TIAM1: variants seen among roughly 807,000 people sequenced by gnomAD.
TIAM1 encodes the protein TIAM Rac1 associated GEF 1, also known as rho guanine nucleotide exchange factor TIAM1.
A neutral mutation model predicts 163.5 loss-of-function variants in TIAM1; 65 were observed. The ratio of observed to expected loss-of-function variants is 0.40; its 90% confidence interval spans 0.33 to 0.49. The LOEUF (loss-of-function observed/expected upper bound fraction) is 0.49. Ranked by LOEUF, TIAM1 falls within the 20% of genes least tolerant of loss-of-function variation. TIAM1 has a pLI of 0.77. For missense variants in TIAM1, 1,789 were observed against 2,044.7 expected (o/e 0.87, Z 2.41); for synonymous variants, 833 against 810.1 (o/e 1.03, Z -0.48).
intron 1 of TIAM1, among the ~76,000 whole-genome samples, chr21:31,521,346 G>C (rs550466579): frequency 4.6e-5 from 7 of 152,282 alleles, no homozygotes; most frequent in South Asian, 2.1e-4. Flanking sequence ...GAAAACCTAA[G>C]GTTCCAGCAG....
At chr21:31,497,269 C>T (rs372897474) in intron 1 of TIAM1, among the ~76,000 whole-genome samples, 26 of 152,316 alleles carry the variant, frequency 1.7e-4, no homozygotes, top group East Asian at 1.2e-3. Context: ...CGTTAAGCAA[C>T]GCATAACTGT....
chr21:31,538,083 G>C (rs2048196723), intron 1 of TIAM1, among the ~76,000 whole-genome samples: 1 of 152,176 alleles, frequency 6.6e-6, no homozygotes, highest in Non-Finnish European at 1.5e-5. Flanking sequence ...TGCCCTGAAG[G>C]GGGCGCAACA....
chr21:31,392,003 C>A (rs1405308269), intron 2 of TIAM1, among the ~76,000 whole-genome samples: 1 of 152,158 alleles, frequency 6.6e-6, no homozygotes, highest in African/African-American at 2.4e-5. Context: ...ATATTCAACA[C>A]TTTATTATAA....
At chr21:31,378,124 G>T (rs1408525984) in intron 2 of TIAM1, among the ~76,000 whole-genome samples, 5 of 109,238 alleles carry the variant, frequency 4.6e-5, no homozygotes, top group Admixed American at 1.2e-4. Flanking sequence ...TAACAAGAGC[G>T]AAACTCTGTC....
chr21:31,436,725 A>G (rs908030587), intron 2 of TIAM1, among the ~76,000 whole-genome samples: 1 of 152,156 alleles, frequency 6.6e-6, no homozygotes, highest in Non-Finnish European at 1.5e-5. Flanking sequence ...TGGGAGGCCA[A>G]TGCAGGCAGA....
At chr21:31,121,801 T>A (rs986756836) in intron 27 of TIAM1, among the ~76,000 whole-genome samples, 1 of 152,116 alleles carries the variant, frequency 6.6e-6, no homozygotes, top group Non-Finnish European at 1.5e-5. Flanking sequence ...AAAGACACCA[T>A]CCGATCAAGC....
intron 15 of TIAM1, among the ~76,000 whole-genome samples, chr21:31,170,104 C>A (rs1175038076): frequency 6.6e-6 from 1 of 152,114 alleles, no homozygotes; most frequent in African/African-American, 2.4e-5. Flanking sequence ...ACTTAAACTT[C>A]ATGTTTAGAT....
At chr21:31,420,999 G>A (rs977197683) in intron 2 of TIAM1, among the ~76,000 whole-genome samples, 16 of 151,964 alleles carry the variant, frequency 1.1e-4, no homozygotes, top group African/African-American at 3.9e-4. Context: ...GCGGGTGCCT[G>A]TAATCCCAGC....
chr21:31,539,582 C>G (rs1346398161), intron 1 of TIAM1, among the ~76,000 whole-genome samples: 1 of 152,070 alleles, frequency 6.6e-6, no homozygotes, highest in Non-Finnish European at 1.5e-5. Context: ...GCTAGTTATT[C>G]TGTACTAAAC....
intron 26 of TIAM1, 136 bp from the exon 27 acceptor site, chr21:31,124,830 T>C (rs2082133210): frequency 6.1e-6 from 4 of 660,298 alleles, no homozygotes; most frequent in Middle Eastern, 8.1e-4. Flanking sequence ...CCAATTTCTA[T>C]GCTGAGCGGT....
At chr21:31,315,025 G>A (rs1447764614) in intron 2 of TIAM1, among the ~76,000 whole-genome samples, 1 of 152,156 alleles carries the variant, frequency 6.6e-6, no homozygotes, top group Non-Finnish European at 1.5e-5. Context: ...ATTTTTTGGT[G>A]AGAGTCGCCA....
At chr21:31,558,628 T>C (rs1378503512) in intron 1 of TIAM1, among the ~76,000 whole-genome samples, 3 of 152,038 alleles carry the variant, frequency 2.0e-5, no homozygotes, top group Non-Finnish European at 4.4e-5. Context: ...GTCCGGACGC[T>C]GTCATTTCCA....
intron 2 of TIAM1, among the ~76,000 whole-genome samples, chr21:31,350,835 T>A (rs2076222432): frequency 6.6e-6 from 1 of 152,222 alleles, no homozygotes. Context: ...CAATACACGA[T>A]GAGACATCTA....
At chr21:31,215,656 T>C (rs115168583) in intron 9 of TIAM1, among the ~76,000 whole-genome samples, 14 of 152,050 alleles carry the variant, frequency 9.2e-5, no homozygotes, top group Non-Finnish European at 1.3e-4. Context: ...TCAAGTCTCT[T>C]TTGTTATTTT....
intron 2 of TIAM1, among the ~76,000 whole-genome samples, chr21:31,461,028 C>T (rs2045305715): frequency 6.6e-6 from 1 of 152,018 alleles, no homozygotes; most frequent in African/African-American, 2.4e-5. Flanking sequence ...GGAAAAAATA[C>T]AAGTCTACGT....
At chr21:31,200,112 T>C (rs2086117241) in intron 12 of TIAM1, among the ~76,000 whole-genome samples, 1 of 152,126 alleles carries the variant, frequency 6.6e-6, no homozygotes, top group Non-Finnish European at 1.5e-5. Flanking sequence ...GCAGAATTGT[T>C]TTGGTGTATC....
At chr21:31,528,828 TA>T (rs35640976) in intron 1 of TIAM1, among the ~76,000 whole-genome samples, 88,897 of 148,180 alleles carry the variant, frequency 0.6, 27,067 homozygotes, top group East Asian at 0.85. Context: ...ACAAACAAAT[TA>T]AAAAAAAAAA....
rs1199966942 is a variant in TIAM1 at position 31,120,449 on chromosome 21, G to A, written c.4695C>T (p.Gly1565=). Residue 1565 remains glycine, a synonymous_variant, in exon 28 of 28, where the codon GGC becomes GGT. Coordinates refer to ENST00000541036, the MANE Select transcript of TIAM1 (RefSeq NM_001353694.2). This position sits in a 1 kb window ranked among gnomAD's most constrained non-coding sequence, Gnocchi z 4.2. The part of the protein sequence containing the change: ...KQAALSGING[G]LESASEEVIW... ...TGACTTCCTCGCTTGCGCTCTCCAG[G>A]CCTCCATTGATCCCCGACAGGGCAG... is the stretch of plus-strand genomic sequence containing the variant. 3 of 1,614,076 alleles carry A rather than the reference G, an allele frequency of 1.9e-6. No homozygotes were observed. The African/African-American group carries it at 4.0e-5, about 22-fold the overall frequency.
At chr21:31,531,596 G>A (rs78946526) in intron 1 of TIAM1, among the ~76,000 whole-genome samples, 1,956 of 152,242 alleles carry the variant, frequency 0.013, 42 homozygotes, top group African/African-American at 0.044. Flanking sequence ...AAGGGAATGA[G>A]ATGGTGAAAG....
Sources: allele counts gnomAD v4.1 joint callset (sites outside exome capture counted in the v4.1 genomes callset), GRCh38; gene constraint gnomAD v4.1.1; non-coding constraint Gnocchi (gnomAD v3.1); transcripts MANE v1.5; gene names NCBI Gene and HGNC (gene_info 2026-07-23, HGNC 2026-07-21).